The following HSDL1 variants were observed in gnomAD, a reference collection of about 807,000 sequenced individuals.
HSDL1 encodes the protein inactive hydroxysteroid dehydrogenase-like protein 1.
Under a neutral mutation model 31.5 loss-of-function variants are expected in HSDL1, and 29 were observed. The observed-to-expected ratio is 0.92, with a 90% CI of 0.69 to 1.26. The LOEUF is 1.26. HSDL1 is among the 50% of genes most tolerant of loss of function. The probability of loss-of-function intolerance (pLI) is 0.00; values close to 1 mark genes in which losing one functional copy is unlikely to be tolerated. For synonymous variants in HSDL1, 222 were observed against 155.2 expected, an observed-to-expected ratio of 1.43 and a Z score of -3.20; for missense variants, 503 against 416.6, an observed-to-expected ratio of 1.21 and a Z score of -1.81.
intron 1 of HSDL1, among the ~76,000 whole-genome samples, chr16:84,141,117 A>T (rs144331305): frequency 1.3e-5 from 2 of 152,150 alleles, no homozygotes; most frequent in African/African-American, 4.8e-5. Flanking sequence ...AGTATTGCTA[A>T]GTTTCGCCTG....
chr16:84,126,736 CCA>C (rs34136601), intron 5 of HSDL1, among the ~76,000 whole-genome samples: 2 of 151,202 alleles, frequency 1.3e-5, no homozygotes, highest in Non-Finnish European at 3.0e-5. Flanking sequence ...ACACCCACAC[CCA>C]CACACACACA....
chr16:84,129,671 T>C lies in HSDL1; in HGVS notation c.771A>G (p.Ala257=), dbSNP rs766560721. 4 of 1,614,186 alleles carry C rather than the reference T, an allele frequency of 2.5e-6. 1 individual carries two copies. In the South Asian group the frequency reaches 4.4e-5, roughly 18 times the overall value. The stretch of plus-strand genomic sequence containing the variant: ...AGCACCTGTGCAGAAAGTTGCTGGG[T>C]GCTGTCATGCTGGTGGCTACATAGA... ...IPFYVATSMT[A]PSNFLHRCSW... Residue 257 remains alanine, a synonymous_variant, in exon 5 of 6, where the codon GCA becomes GCG. Coordinates refer to ENST00000219439, the MANE Select transcript of HSDL1 (RefSeq NM_031463.5).
At chr16:84,144,266 A>C (rs1293875262) in intron 1 of HSDL1, 1 of 151,994 alleles carries the variant, frequency 6.6e-6, no homozygotes. Flanking sequence ...CACACCCAAG[A>C]CCCCACAACT....
At chr16:84,125,998 G>A (rs1445775573) in intron 5 of HSDL1, among the ~76,000 whole-genome samples, 1 of 151,880 alleles carries the variant, frequency 6.6e-6, no homozygotes, top group African/African-American at 2.4e-5. Context: ...AGCTACTCAG[G>A]AGGCAGAGGC....
chr16:84,130,363 T>C lies in HSDL1; in HGVS notation c.289A>G (p.Ile97Val), dbSNP rs2086651605. The change falls in exon 4 of 6, where the codon ATT becomes GTT. Residue 97 changes from isoleucine to valine, a missense_variant. By Grantham distance (29) the Ile-to-Val change is conservative. Transcript: ENST00000219439. Reference sequence around the variant, plus strand: ...TGCAACTTCTCCTCGTTCCGACTAATCAGGATTATATTGAGACCTCGGCTT... The same window carrying C: ...TGCAACTTCTCCTCGTTCCGACTAACCAGGATTATATTGAGACCTCGGCTT... The part of the protein sequence containing the change: ...LASRGLNIIL[I>V]SRNEEKLQVV... 1 of 1,614,180 alleles carries C rather than the reference T, an allele frequency of 6.2e-7. No homozygotes were observed. Among genetic ancestry groups the C allele is most frequent in the Non-Finnish European group, 8.5e-7 (1 of 1,180,040 alleles).
intron 4 of HSDL1, 90 bp from the exon 5 acceptor site, chr16:84,129,865 G>T (rs142419285): frequency 5.4e-5 from 76 of 1,414,268 alleles, no homozygotes; most frequent in Non-Finnish European, 7.3e-5. Context: ...ATCAATTCAG[G>T]AAAAAATACA....
At position 84,129,790 on chromosome 16, in the gene HSDL1, G is replaced by C; in HGVS notation, c.667-15C>G. 6.3e-7 allele frequency: 1 copy of C among 1,584,418 alleles called. No homozygotes were observed. The highest frequency in any genetic ancestry group is 8.6e-7 in the Non-Finnish European group (1 of 1,158,018). ...TCTAAATAAGCCTGTTGAGACAGAG[G>C]GGAGGAAAAGACTTTTAATTCTGGG... On this transcript the variant is annotated splice_polypyrimidine_tract_variant and intron_variant, in intron 4 of 5. Transcript: ENST00000219439.
At chr16:84,142,461 A>T (rs1235567126) in intron 1 of HSDL1, among the ~76,000 whole-genome samples, 1 of 97,218 alleles carries the variant, frequency 1.0e-5, no homozygotes, top group Non-Finnish European at 1.9e-5. Flanking sequence ...TTTGAGACAG[A>T]GTCTCACTCT....
intron 1 of HSDL1, among the ~76,000 whole-genome samples, chr16:84,139,921 C>G (rs758090830): frequency 1.3e-5 from 2 of 152,160 alleles, no homozygotes; most frequent in African/African-American, 4.8e-5. Flanking sequence ...TTAATTTTTT[C>G]AGAGTGTGAA....
chr16:84,128,119 T>C (rs1203730900), intron 5 of HSDL1, among the ~76,000 whole-genome samples: 2 of 151,404 alleles, frequency 1.3e-5, no homozygotes, highest in Non-Finnish European at 1.5e-5. Flanking sequence ...TGAAACTCCA[T>C]CTCTACTAAA....
At chr16:84,140,785 C>T (rs1422489093) in intron 1 of HSDL1, among the ~76,000 whole-genome samples, 4 of 152,162 alleles carry the variant, frequency 2.6e-5, no homozygotes, top group Non-Finnish European at 5.9e-5. Context: ...CAGCTGTATA[C>T]CCCAAGCATG....
At chr16:84,131,405 C>A (rs2086664673) in intron 2 of HSDL1, 78 bp from the exon 3 acceptor site, 2 of 942,850 alleles carry the variant, frequency 2.1e-6, no homozygotes, top group Admixed American at 3.7e-5. Context: ...TGAAGACATC[C>A]AGCTGAGGGC....
chr16:84,141,068 G>A (rs1192601472), intron 1 of HSDL1, among the ~76,000 whole-genome samples: 1 of 147,932 alleles, frequency 6.8e-6, no homozygotes, highest in African/African-American at 2.7e-5. Flanking sequence ...TCCCGCCTGG[G>A]CGACAGAACG....
At chr16:84,135,651 T>C (rs1376272286) in intron 1 of HSDL1, 46 bp from the exon 2 acceptor site, 3 of 152,250 alleles carry the variant, frequency 2.0e-5, no homozygotes, top group Non-Finnish European at 4.4e-5. Flanking sequence ...CTCTTCCTCA[T>C]AGTTCAGCTG....
chr16:84,133,928 T>C (rs577171272), intron 2 of HSDL1, among the ~76,000 whole-genome samples: 1 of 152,262 alleles, frequency 6.6e-6, no homozygotes, highest in East Asian at 1.9e-4. Context: ...ACAACTAAAA[T>C]AAATGCTCCT....
rs2086571721 is a variant in HSDL1, at chr16:84,123,191, T to A, written c.*1439A>T. On this transcript the variant is annotated 3_prime_UTR_variant, in exon 6 of 6. Transcript: ENST00000219439. Reference sequence around the variant, plus strand: ...ACTGATCTTCTGAGTGCAAGTCACATCTGGAAATCCTGTAGGCAATGTCAT... The same window carrying A: ...ACTGATCTTCTGAGTGCAAGTCACAACTGGAAATCCTGTAGGCAATGTCAT... 1 of 152,204 alleles carries A rather than the reference T, an allele frequency of 6.6e-6. No individual in the cohort carries two copies. The highest frequency in any genetic ancestry group is 6.5e-5 in the Admixed American group (1 of 15,274). 9.4% of individuals were successfully genotyped at this position (152,204 alleles called of 1,614,324 possible). A position where few individuals can be genotyped will look rare whatever the true frequency, so the allele number is the denominator to read the frequency against.
Position 84,124,720 on chromosome 16 carries a change from A to C in HSDL1, c.903T>G (p.Phe301Leu). Residue 301 changes from phenylalanine to leucine, a missense_variant, in exon 6 of 6, where the codon TTT becomes TTG. Physicochemically the swap from Phe to Leu is conservative, Grantham distance 22 (BLOSUM62 0). Coordinates refer to ENST00000219439, the MANE Select transcript of HSDL1 (RefSeq NM_031463.5). ...AGAGCCATTCAGGCATATACTGTGCAAAAAGAAACTAAAAATGAAAGAGAA... is the reference window on the plus strand; with the variant it reads ...AGAGCCATTCAGGCATATACTGTGCCAAAAGAAACTAAAAATGAAAGAGAA... ...GYWSHSIQFL[F>L]AQYMPEWLWV... 1 of 1,611,676 alleles carries C rather than the reference A, an allele frequency of 6.2e-7. No individual in the cohort carries two copies. The highest frequency in any genetic ancestry group is 8.5e-7 in the Non-Finnish European group (1 of 1,177,806).
At chr16:84,144,837 C>T (rs1404824837) in intron 1 of HSDL1, among the ~76,000 whole-genome samples, 1 of 102,236 alleles carries the variant, frequency 9.8e-6, no homozygotes. Flanking sequence ...TGTGAAGGGG[C>T]GGGGCTGGGG....
rs2086648238 is a variant in HSDL1, at chr16:84,130,142, G to T, written c.510C>A (p.Leu170=). Residue 170 remains leucine (L), a synonymous_variant, in exon 4 of 6, where the codon CTC becomes CTA. Coordinates refer to ENST00000219439, the MANE Select transcript of HSDL1 (RefSeq NM_031463.5). ...QYFTQLSEDK[L]WDIINVNIAA... ...CAATGTTCACATTTATGATGTCCCA[G>T]AGCTTGTCCTCGGACAGCTGAGTGA... 1.9e-6 allele frequency: 3 copies of T among 1,614,188 alleles called. No homozygotes were observed. Among genetic ancestry groups the T allele is most frequent in the Non-Finnish European group, 2.5e-6 (3 of 1,180,044 alleles).
Sources: allele counts gnomAD v4.1 joint callset (sites outside exome capture counted in the v4.1 genomes callset), GRCh38; gene constraint gnomAD v4.1.1; transcripts MANE v1.5; gene names NCBI Gene and HGNC (gene_info 2026-07-23, HGNC 2026-07-21).